The following PIBF1 variants were observed in gnomAD, a reference collection of about 807,000 sequenced individuals.
The protein encoded by PIBF1 is progesterone immunomodulatory binding factor 1.
In PIBF1, 90 loss-of-function variants were observed where a neutral mutation model predicts 112.5. The ratio of observed to expected loss-of-function variants is 0.80; its 90% CI spans 0.67 to 0.95. PIBF1 has a LOEUF of 0.95. Ranked by LOEUF, PIBF1 falls within the 40% of genes least tolerant of loss-of-function variation. The pLI is 0.00. For missense variants in PIBF1, 915 were observed against 852.3 expected (o/e 1.07, Z -0.92); for synonymous variants, 301 against 288.6 (o/e 1.04, Z -0.44).
At chr13:72,976,308 G>A (rs577883153) in intron 16 of PIBF1, among the ~76,000 whole-genome samples, 9 of 151,652 alleles carry the variant, frequency 5.9e-5, no homozygotes, top group South Asian at 2.1e-4. Flanking sequence ...GGGAGGGAGG[G>A]TTAGAGGGAA....
At chr13:72,817,939 G>A (rs1806368485) in intron 5 of PIBF1, among the ~76,000 whole-genome samples, 2 of 151,996 alleles carry the variant, frequency 1.3e-5, no homozygotes, top group Non-Finnish European at 1.5e-5. Context: ...CGTTTAAGGG[G>A]AAATTGTCCA....
chr13:72,825,758 G>T (rs2036778327), intron 6 of PIBF1, among the ~76,000 whole-genome samples: 1 of 152,040 alleles, frequency 6.6e-6, no homozygotes, highest in Non-Finnish European at 1.5e-5. Context: ...TTAATGATTG[G>T]TAAGTAAAAG....
intron 8 of PIBF1, among the ~76,000 whole-genome samples, chr13:72,834,434 G>A (rs530595800): frequency 2.3e-4 from 35 of 152,160 alleles, no homozygotes; most frequent in Middle Eastern, 6.8e-3. Context: ...AGACCAGCCT[G>A]GGCAACATCG....
chr13:72,856,930 A>G (rs1265175304), intron 10 of PIBF1, among the ~76,000 whole-genome samples: 2 of 152,188 alleles, frequency 1.3e-5, no homozygotes, highest in Non-Finnish European at 2.9e-5. Flanking sequence ...TCTTCCATAT[A>G]AATTTTTATA....
intron 10 of PIBF1, among the ~76,000 whole-genome samples, chr13:72,883,119 G>A (rs2039709037): frequency 6.6e-6 from 1 of 152,162 alleles, no homozygotes; most frequent in Non-Finnish European, 1.5e-5. Context: ...TAAAGAAAAT[G>A]TGGTACATAT....
At chr13:73,003,656 C>T (rs1471316406) in intron 17 of PIBF1, among the ~76,000 whole-genome samples, 3 of 152,074 alleles carry the variant, frequency 2.0e-5, no homozygotes, top group Admixed American at 6.6e-5. Flanking sequence ...AACTGCTGCT[C>T]CTATAGGATC....
chr13:72,782,986 T>C (rs1260612653), intron 1 of PIBF1, among the ~76,000 whole-genome samples: 2 of 152,026 alleles, frequency 1.3e-5, no homozygotes, highest in Non-Finnish European at 2.9e-5. Flanking sequence ...CACTTACGTA[T>C]CATTAATAAC....
intron 16 of PIBF1, among the ~76,000 whole-genome samples, chr13:72,987,417 G>A (rs781352945): frequency 1.3e-5 from 2 of 151,752 alleles, no homozygotes; most frequent in Non-Finnish European, 2.9e-5. Context: ...GGGCTAGGTG[G>A]CCATATAGTC....
intron 17 of PIBF1, among the ~76,000 whole-genome samples, chr13:73,015,239 A>G (rs1046251742): frequency 2.8e-5 from 4 of 143,374 alleles, no homozygotes; most frequent in African/African-American, 1.0e-4. Context: ...CAGTCCTCCC[A>G]CCTCAACCTC....
At chr13:72,828,912 C>T (rs2036962744) in intron 8 of PIBF1, among the ~76,000 whole-genome samples, 1 of 152,196 alleles carries the variant, frequency 6.6e-6, no homozygotes, top group South Asian at 2.1e-4. Flanking sequence ...ACTGTAAAAG[C>T]ATTCCTATTT....
intron 16 of PIBF1, among the ~76,000 whole-genome samples, chr13:72,990,701 A>C (rs1293657531): frequency 6.6e-6 from 1 of 151,596 alleles, no homozygotes; most frequent in African/African-American, 2.4e-5. Flanking sequence ...CACAAAAATT[A>C]GCCAGGTGTG....
chr13:72,986,171 CAAAAA>C (rs946547576), intron 16 of PIBF1, among the ~76,000 whole-genome samples: 8 of 150,898 alleles, frequency 5.3e-5, no homozygotes, highest in African/African-American at 1.9e-4. Context: ...AAAAACAAAA[CAAAAA>C]AGAAGGAAAA....
At position 72,821,970 on chromosome 13, in the gene PIBF1, A is replaced by T. The variant is rs1479242255; in HGVS notation, c.794A>T (p.Asp265Val). 1 of 1,611,514 alleles carries T rather than the reference A, an allele frequency of 6.2e-7. No homozygotes were observed. Among genetic ancestry groups the T allele is most frequent in the South Asian group, 1.1e-5 (1 of 90,698 alleles). Residue 265 changes from aspartate to valine, a missense_variant, in exon 6 of 18, where the codon GAT (aspartate) becomes GTT (valine). Asp to Val is a radical substitution (Grantham distance 152). Coordinates refer to ENST00000326291, the MANE Select transcript of PIBF1 (RefSeq NM_006346.4). ...GGTGACTACCGTCAAGAGAACTATG[A>T]TAAAGTCAAGAGGTAAGTAGTTAAA... ...QQGDYRQENY[D>V]KVKSERDALE...
chr13:73,015,367 T>C (rs1242599082), intron 17 of PIBF1, among the ~76,000 whole-genome samples: 1 of 152,236 alleles, frequency 6.6e-6, no homozygotes, highest in African/African-American at 2.4e-5. Flanking sequence ...GCCTTTTTCT[T>C]TCTATTCTGT....
intron 5 of PIBF1, among the ~76,000 whole-genome samples, chr13:72,799,075 G>A (rs2031295): frequency 0.78 from 118,018 of 152,168 alleles, 46,081 homozygotes; most frequent in South Asian, 0.85. Context: ...GGATTAGAAC[G>A]TTAGGTGATA....
intron 5 of PIBF1, among the ~76,000 whole-genome samples, chr13:72,809,476 GTTAAAGCCACATGAAATCA>G (rs557776260): frequency 9.6e-4 from 145 of 150,764 alleles, no homozygotes; most frequent in African/African-American, 3.3e-3. Flanking sequence ...TTTAAATTCT[GTTAAAGCCACATGAAATCA>G]TTAAAGCCAC....
chr13:72,783,350 T>C, intron 1 of PIBF1, 73 bp from the exon 2 acceptor site: 1 of 686,160 alleles, frequency 1.5e-6, no homozygotes, highest in Non-Finnish European at 2.4e-6. Flanking sequence ...ATCCTTAGTC[T>C]CTCTTTAATA....
chr13:72,995,548 A>G (rs1029109565), intron 16 of PIBF1, among the ~76,000 whole-genome samples: 3 of 152,312 alleles, frequency 2.0e-5, no homozygotes, highest in African/African-American at 7.2e-5. Flanking sequence ...TGGTCTCTTC[A>G]GTACATGATG....
chr13:72,889,720 G>T (rs2039985541), intron 10 of PIBF1, among the ~76,000 whole-genome samples: 1 of 152,068 alleles, frequency 6.6e-6, no homozygotes, highest in African/African-American at 2.4e-5. Flanking sequence ...CTTTGCCTCA[G>T]CTGCTGCACT....
Sources: gnomAD v4.1 joint callset for allele counts (sites outside exome capture counted in the v4.1 genomes callset) on GRCh38, gnomAD v4.1.1 for gene constraint, MANE v1.5 for transcripts, NCBI Gene and HGNC (gene_info 2026-07-23, HGNC 2026-07-21) for gene names.